Variants in PODXL2 observed in about 807,000 individuals in gnomAD.
The protein encoded by PODXL2 is podocalyxin-like protein 2.
A neutral mutation model predicts 53.4 loss-of-function variants in PODXL2; 17 were observed. That is an observed-to-expected ratio of 0.32 (90% CI 0.22 to 0.48). The LOEUF (loss-of-function observed/expected upper bound fraction) is 0.48, where lower values mean the gene tolerates loss of function less well. PODXL2 is among the 20% of genes least tolerant of loss of function. PODXL2 has a pLI of 0.99. For synonymous variants in PODXL2, 311 were observed against 306.7 expected, an observed-to-expected ratio of 1.01 and a Z score of -0.15; for missense variants, 673 against 760.0, an observed-to-expected ratio of 0.89 and a Z score of 1.35.
chr3:127,660,298 T>G, intron 2 of PODXL2, 80 bp from the exon 3 acceptor site: 1 of 1,546,574 alleles, frequency 6.5e-7, no homozygotes, highest in South Asian at 1.3e-5. Context: ...TGTGGTTCTT[T>G]TATGCCATCT....
chr3:127,652,543 G>A (rs2074696730), intron 2 of PODXL2, among the ~76,000 whole-genome samples: 1 of 152,142 alleles, frequency 6.6e-6, no homozygotes, highest in African/African-American at 2.4e-5. Context: ...GGCCCAGCCC[G>A]AGCCTCTCCC....
At chr3:127,645,813 C>T (rs765646071) in intron 2 of PODXL2, among the ~76,000 whole-genome samples, 1 of 152,210 alleles carries the variant, frequency 6.6e-6, no homozygotes, top group African/African-American at 2.4e-5. Context: ...CCCTACCCCC[C>T]TATTCTTGTC....
chr3:127,630,836 C>T (rs557318457), intron 1 of PODXL2, among the ~76,000 whole-genome samples: 3 of 152,322 alleles, frequency 2.0e-5, no homozygotes, highest in South Asian at 2.1e-4. Context: ...TGGAAAAAGG[C>T]GACATTCAAT....
intron 2 of PODXL2, among the ~76,000 whole-genome samples, chr3:127,659,349 T>C (rs1314529173): frequency 6.6e-6 from 1 of 152,208 alleles, no homozygotes; most frequent in East Asian, 1.9e-4. Context: ...TCCCAGAAAT[T>C]TCTCTAAAAT....
chr3:127,654,094 T>C (rs60957479), intron 2 of PODXL2, among the ~76,000 whole-genome samples: 3,137 of 152,326 alleles, frequency 0.021, 108 homozygotes, highest in African/African-American at 0.067. Flanking sequence ...GGTTTCATAG[T>C]CCACTATCCG....
intron 7 of PODXL2, 121 bp from the exon 8 acceptor site, chr3:127,672,147 A>C (rs749524092): frequency 2.8e-5 from 19 of 683,810 alleles, no homozygotes; most frequent in Non-Finnish European, 4.5e-5. Flanking sequence ...GAAAAGAAGG[A>C]TCTGGCACCT....
intron 2 of PODXL2, among the ~76,000 whole-genome samples, chr3:127,655,824 A>T (rs927024696): frequency 3.9e-5 from 6 of 152,266 alleles, no homozygotes; most frequent in Non-Finnish European, 7.3e-5. Context: ...AGCCTTTAGC[A>T]TAGAGAAAAT....
chr3:127,665,200 T>TTAATTTA (rs1302019799), intron 4 of PODXL2, among the ~76,000 whole-genome samples: 3 of 152,390 alleles, frequency 2.0e-5, no homozygotes, highest in South Asian at 4.1e-4. Context: ...TTATTTGTCT[T>TTAATTTA]GTCTCTTTAG....
At chr3:127,651,997 A>C (rs564363118) in intron 2 of PODXL2, among the ~76,000 whole-genome samples, 14 of 152,354 alleles carry the variant, frequency 9.2e-5, no homozygotes, top group Non-Finnish European at 1.3e-4. Context: ...TGCGGCCACA[A>C]AGGTACGGGC....
chr3:127,672,786 C>T lies in PODXL2; in HGVS notation c.*306C>T. On this transcript the variant is annotated 3_prime_UTR_variant, in exon 8 of 8. Transcript: ENST00000342480. Reference sequence around the variant, plus strand: ...GGACTCAATTAAACCCGCCCGGAGACCACGCCGGGCCCAGCGCGTCTGCCT... The same window carrying T: ...GGACTCAATTAAACCCGCCCGGAGATCACGCCGGGCCCAGCGCGTCTGCCT... 1 of 349,074 alleles carries T rather than the reference C, an allele frequency of 2.9e-6. No homozygotes were observed. Among genetic ancestry groups the T allele is most frequent in the South Asian group, 1.2e-4 (1 of 8,552 alleles). 21.6% of individuals were successfully genotyped at this position (349,074 alleles called of 1,614,324 possible). A position where few individuals can be genotyped will look rare whatever the true frequency, so the allele number is the denominator to read the frequency against.
chr3:127,672,118 G>T (rs1212347387), intron 7 of PODXL2, 150 bp from the exon 8 acceptor site: 4 of 628,918 alleles, frequency 6.4e-6, no homozygotes, highest in Non-Finnish European at 8.4e-6. Context: ...TTTGAGAAAG[G>T]AGTTGAGCTG....
At chr3:127,666,809 G>T (rs1209431934) in intron 4 of PODXL2, among the ~76,000 whole-genome samples, 4 of 152,192 alleles carry the variant, frequency 2.6e-5, no homozygotes, top group African/African-American at 9.7e-5. Context: ...GCAGTCATCA[G>T]ATCCTCCCAC....
At chr3:127,663,388 T>A (rs999001046) in intron 4 of PODXL2, among the ~76,000 whole-genome samples, 6 of 152,238 alleles carry the variant, frequency 3.9e-5, no homozygotes, top group African/African-American at 1.4e-4. Flanking sequence ...GCTTCCAGTG[T>A]CTAGATTTTG....
chr3:127,670,542 TATACTC>T (rs2074826170), intron 6 of PODXL2, among the ~76,000 whole-genome samples: 1 of 152,158 alleles, frequency 6.6e-6, no homozygotes, highest in Admixed American at 6.5e-5. Flanking sequence ...TCTTTGGAAA[TATACTC>T]AGGTGAATCT....
At chr3:127,654,938 TTTTC>T (rs1001400001) in intron 2 of PODXL2, among the ~76,000 whole-genome samples, 26 of 151,886 alleles carry the variant, frequency 1.7e-4, no homozygotes, top group Non-Finnish European at 2.8e-4. Context: ...AAATACAAAT[TTTTC>T]TTTCTTTCTT....
At position 127,666,154 on chromosome 3, in the gene PODXL2, A is replaced by G. The variant is rs371605055; in HGVS notation, c.1207-2287A>G. 1.1e-4 allele frequency among the ~76,000 whole-genome samples: 16 copies of G among 152,338 alleles called. No individual in the cohort carries two copies. The East Asian group carries it at 1.2e-3, about 11-fold the overall frequency. On this transcript the variant is annotated intron_variant, in intron 4 of 7. Coordinates refer to ENST00000342480, the MANE Select transcript of PODXL2 (RefSeq NM_015720.4). ...ATGATGTCCTCCTGTGCTTACTGCT[A>G]CAAACTTTAGATCTGTAGTCCATCT...
intron 4 of PODXL2, among the ~76,000 whole-genome samples, chr3:127,667,980 C>T (rs1268229084): frequency 2.0e-5 from 3 of 152,238 alleles, no homozygotes; most frequent in African/African-American, 7.2e-5. Context: ...TCACCACTCC[C>T]ACCCGCCCAT....
At chr3:127,664,380 CAT>C (rs1354102839) in intron 4 of PODXL2, among the ~76,000 whole-genome samples, 92 of 151,472 alleles carry the variant, frequency 6.1e-4, no homozygotes, top group Non-Finnish European at 2.4e-4. Flanking sequence ...GTATATACCA[CAT>C]GTTATTTATC....
intron 6 of PODXL2, among the ~76,000 whole-genome samples, chr3:127,669,823 C>G (rs536381458): frequency 6.6e-6 from 1 of 152,308 alleles, no homozygotes; most frequent in East Asian, 1.9e-4. Context: ...GCCGCACAAG[C>G]TTGGATGGGA....
Sources: gnomAD v4.1 joint callset for allele counts (sites outside exome capture counted in the v4.1 genomes callset) on GRCh38, gnomAD v4.1.1 for gene constraint, MANE v1.5 for transcripts, NCBI Gene and HGNC (gene_info 2026-07-23, HGNC 2026-07-21) for gene names.